The following TAOK1 variants were observed in gnomAD, a reference collection of about 807,000 sequenced individuals.
The protein encoded by TAOK1 is serine/threonine-protein kinase TAO1.
In TAOK1, 21 loss-of-function variants were observed where a neutral mutation model predicts 138.3. The ratio of observed to expected loss-of-function variants is 0.15; its 90% CI spans 0.11 to 0.22. TAOK1 has a LOEUF of 0.22. Among genes scored for constraint, TAOK1 ranks in the 10% least tolerant of loss-of-function variants. The pLI, the probability that TAOK1 is intolerant of heterozygous loss-of-function variation, is 1.00. For synonymous variants in TAOK1, 361 were observed against 398.4 expected (o/e 0.91, Z 1.12); for missense variants, 651 against 1,227.7 (o/e 0.53, Z 7.02).
At chr17:29,428,451 ACTT>A (rs1331371441) in intron 1 of TAOK1, among the ~76,000 whole-genome samples, 1 of 152,148 alleles carries the variant, frequency 6.6e-6, no homozygotes, top group Non-Finnish European at 1.5e-5. Flanking sequence ...AGTAACAAAT[ACTT>A]CTTTTTAAAT....
chr17:29,479,959 A>C (rs1459889676), intron 6 of TAOK1: 2 of 152,414 alleles, frequency 1.3e-5, no homozygotes, highest in Admixed American at 6.5e-5. Flanking sequence ...AAGTTTGGAG[A>C]ATAAGGTTCT....
At chr17:29,478,436 G>A in intron 6 of TAOK1, 89 bp downstream of exon 6, 1 of 883,500 alleles carries the variant, frequency 1.1e-6, no homozygotes. Flanking sequence ...GTTTTTATTG[G>A]TTAAAGCCAA....
intron 8 of TAOK1, among the ~76,000 whole-genome samples, chr17:29,487,623 C>T (rs1431259247): frequency 6.6e-6 from 1 of 151,972 alleles, no homozygotes; most frequent in Admixed American, 6.6e-5. Context: ...AAGAAAGTAA[C>T]CAAATAATAA....
chr17:29,522,150 A>G (rs1395541011), intron 16 of TAOK1, 130 bp from the exon 17 acceptor site: 1 of 1,222,208 alleles, frequency 8.2e-7, no homozygotes, highest in African/African-American at 1.5e-5. Flanking sequence ...CAACCCTCTT[A>G]TTTACTATGC....
At chr17:29,500,995 A>G (rs2031513242) in intron 12 of TAOK1, among the ~76,000 whole-genome samples, 1 of 152,052 alleles carries the variant, frequency 6.6e-6, no homozygotes, top group South Asian at 2.1e-4. Context: ...AGTTATTGCT[A>G]ATGGATGCAG....
intron 17 of TAOK1, among the ~76,000 whole-genome samples, chr17:29,529,906 G>A (rs983357255): frequency 6.6e-6 from 1 of 150,996 alleles, no homozygotes; most frequent in Admixed American, 6.6e-5. Flanking sequence ...GCACACTTGT[G>A]GTCCCAGCTA....
At chr17:29,428,793 T>A (rs1905730300) in intron 1 of TAOK1, among the ~76,000 whole-genome samples, 1 of 23,814 alleles carries the variant, frequency 4.2e-5, no homozygotes, top group South Asian at 1.6e-3. Context: ...CTGACTAAAT[T>A]TTTTTTTTTT....
intron 1 of TAOK1, among the ~76,000 whole-genome samples, chr17:29,409,333 A>ATTTTTT (rs869195465): frequency 3.2e-4 from 19 of 59,034 alleles, no homozygotes; most frequent in African/African-American, 1.1e-3. Flanking sequence ...ATATATATAT[A>ATTTTTT]TTTTTTTTTT....
chr17:29,528,249 C>T (rs1383324253), intron 17 of TAOK1, among the ~76,000 whole-genome samples: 5 of 152,050 alleles, frequency 3.3e-5, no homozygotes, highest in African/African-American at 1.2e-4. Flanking sequence ...AGAGTTTCAC[C>T]GTGTTGGCCA....
At chr17:29,500,755 CTG>C (rs1052474575) in intron 12 of TAOK1, among the ~76,000 whole-genome samples, 22 of 149,222 alleles carry the variant, frequency 1.5e-4, no homozygotes, top group East Asian at 3.9e-4. Flanking sequence ...AAAAAAAAAA[CTG>C]TGGTTTTTAC....
chr17:29,502,583 TCCTAGG>T lies in TAOK1; in HGVS notation c.1204-5_1204del. The T allele has an allele frequency of 1.2e-6, 2 of 1,602,038 alleles. No homozygotes were observed. Among genetic ancestry groups the T allele is most frequent in the Admixed American group, 3.5e-5 (2 of 57,346 alleles). On this transcript the variant is annotated splice_acceptor_variant and splice_polypyrimidine_tract_variant and coding_sequence_variant and intron_variant, in exon 13 of 20. Coordinates refer to ENST00000261716, the MANE Select transcript of TAOK1 (RefSeq NM_020791.4). LOFTEE classifies it high-confidence loss of function. ...ACATAATATTGTCTTTTTTTTTTTTTCCTAGGAGGAAGAAAATTACAGAGAAGAGGG... is the reference window on the plus strand; with the variant it reads ...ACATAATATTGTCTTTTTTTTTTTTTAGGAAGAAAATTACAGAGAAGAGGG...
chr17:29,396,179 G>T (rs1904594608), intron 1 of TAOK1, among the ~76,000 whole-genome samples: 1 of 152,068 alleles, frequency 6.6e-6, no homozygotes, highest in Non-Finnish European at 1.5e-5. Flanking sequence ...GGAGGGACTA[G>T]CAGCAATTAT....
intron 2 of TAOK1, among the ~76,000 whole-genome samples, chr17:29,457,289 G>T (rs572103471): frequency 6.8e-6 from 1 of 148,010 alleles, no homozygotes; most frequent in East Asian, 2.0e-4. Context: ...TTTTGGTTGA[G>T]ATGGGGTTTC....
intron 19 of TAOK1, among the ~76,000 whole-genome samples, chr17:29,542,034 T>C (rs2032326899): frequency 6.6e-6 from 1 of 151,750 alleles, no homozygotes; most frequent in Non-Finnish European, 1.5e-5. Context: ...GCCACCACCA[T>C]GCCCGGCTAA....
intron 13 of TAOK1, among the ~76,000 whole-genome samples, chr17:29,504,460 A>G (rs2153028920): frequency 6.6e-6 from 1 of 151,944 alleles, no homozygotes; most frequent in East Asian, 1.9e-4. Context: ...ACCTGAGGTC[A>G]GGTTGCGAGA....
chr17:29,459,065 G>A (rs750284152), intron 2 of TAOK1, among the ~76,000 whole-genome samples: 5 of 151,730 alleles, frequency 3.3e-5, no homozygotes, highest in Non-Finnish European at 5.9e-5. Context: ...CATGTTGGCC[G>A]GTTACTTAAG....
chr17:29,397,609 A>AAAAG, intron 1 of TAOK1, among the ~76,000 whole-genome samples: 1 of 26,162 alleles, frequency 3.8e-5, no homozygotes, highest in Non-Finnish European at 6.8e-5. Flanking sequence ...TCCCCCCCCA[A>AAAAG]AAAAATATAT....
chr17:29,458,387 T>G (rs2030445270), intron 2 of TAOK1, among the ~76,000 whole-genome samples: 1 of 152,372 alleles, frequency 6.6e-6, no homozygotes, highest in Non-Finnish European at 1.5e-5. Context: ...CCATCAGCAG[T>G]GTATGAGAAT....
In TAOK1 at chr17:29,508,118, G is replaced by A. The variant is rs760150184; in HGVS notation, c.1561G>A (p.Ala521Thr). 1.9e-6 allele frequency: 3 copies of A among 1,613,736 alleles called. No individual in the cohort carries two copies. Among genetic ancestry groups the A allele is most frequent in the Non-Finnish European group, 2.5e-6 (3 of 1,179,746 alleles). The stretch of plus-strand genomic sequence containing the variant: ...GAAACTTATCAAGAAACACCAGGCT[G>A]CCATGGAGAAAGAGGTGGCTTATTC... ...MEKLIKKHQA[A>T]MEKEAKVMSN... is the part of the protein sequence containing the mutation. Residue 521 changes from alanine (A) to threonine (T), a missense_variant, in exon 14 of 20, where the codon GCC becomes ACC. Coordinates refer to ENST00000261716, the MANE Select transcript of TAOK1 (RefSeq NM_020791.4).
Sources: allele counts gnomAD v4.1 joint callset (sites outside exome capture counted in the v4.1 genomes callset), GRCh38; gene constraint gnomAD v4.1.1; transcripts MANE v1.5; gene names NCBI Gene and HGNC (gene_info 2026-07-23, HGNC 2026-07-21).